Variants in GNPTAB observed in about 807,000 individuals in gnomAD.
GNPTAB encodes N-acetylglucosamine-1-phosphate transferase subunits alpha and beta, also known as N-acetylglucosamine-1-phosphotransferase subunits alpha/beta.
GNPTAB carries 92 observed loss-of-function variants against 136.6 expected under a neutral mutation model. The observed-to-expected ratio is 0.67, with a 90% confidence interval of 0.57 to 0.80. The LOEUF (loss-of-function observed/expected upper bound fraction) is 0.80. Ranked by LOEUF, GNPTAB falls within the 30% of genes least tolerant of loss-of-function variation. The pLI, the probability that GNPTAB is intolerant of heterozygous loss-of-function variation, is 0.00. For missense variants in GNPTAB, 1,343 were observed against 1,501.8 expected, an observed-to-expected ratio of 0.89 and a Z score of 1.75; for synonymous variants, 512 against 535.1, an observed-to-expected ratio of 0.96 and a Z score of 0.60.
chr12:101,792,073 G>GA (rs1298579054), intron 2 of GNPTAB, among the ~76,000 whole-genome samples: 1 of 152,216 alleles, frequency 6.6e-6, no homozygotes, highest in Non-Finnish European at 1.5e-5. Context: ...AATGGGGATA[G>GA]AAAGAGTGTC....
intron 1 of GNPTAB, among the ~76,000 whole-genome samples, chr12:101,824,444 T>A (rs1221380810): frequency 9.5e-6 from 1 of 105,250 alleles, no homozygotes; most frequent in African/African-American, 3.5e-5. Flanking sequence ...TTTCTTTTTT[T>A]TTTTTTTTTT....
intron 2 of GNPTAB, chr12:101,796,437 A>G: frequency 1.6e-6 from 1 of 635,036 alleles, no homozygotes; most frequent in South Asian, 1.9e-5. Flanking sequence ...TACTTCATGA[A>G]TTGGTGTGTC....
At chr12:101,824,152 T>G (rs547245617) in intron 1 of GNPTAB, among the ~76,000 whole-genome samples, 2 of 152,076 alleles carry the variant, frequency 1.3e-5, no homozygotes, top group Non-Finnish European at 2.9e-5. Flanking sequence ...ACAAGGGCAC[T>G]CATTCCTCTG....
intron 7 of GNPTAB, chr12:101,778,316 T>G (rs1013373274): frequency 6.6e-6 from 1 of 152,146 alleles, no homozygotes; most frequent in African/African-American, 2.4e-5. Context: ...TTTATTTTAT[T>G]GAAATTATAT....
At chr12:101,787,889 GACA>G (rs1868754301) in intron 4 of GNPTAB, among the ~76,000 whole-genome samples, 1 of 120,806 alleles carries the variant, frequency 8.3e-6, no homozygotes, top group African/African-American at 3.3e-5. Flanking sequence ...CTCCAGCCTG[GACA>G]ACAAGAGCAA....
chr12:101,772,813 C>T (rs536790511), intron 7 of GNPTAB, among the ~76,000 whole-genome samples: 2 of 152,220 alleles, frequency 1.3e-5, no homozygotes, highest in Admixed American at 6.5e-5. Context: ...AATTTATTTA[C>T]TTATTTTTAT....
intron 1 of GNPTAB, among the ~76,000 whole-genome samples, chr12:101,815,539 G>A (rs1870472097): frequency 6.6e-6 from 1 of 151,358 alleles, no homozygotes; most frequent in South Asian, 2.1e-4. Flanking sequence ...TTATGCCCAG[G>A]AATTTGAGGC....
At chr12:101,757,996 C>T (rs894477033) in intron 16 of GNPTAB, among the ~76,000 whole-genome samples, 2 of 151,614 alleles carry the variant, frequency 1.3e-5, no homozygotes, top group Admixed American at 6.6e-5. Flanking sequence ...CTGTGTGAGG[C>T]GTCTGGTGAA....
chr12:101,796,604 A>G, intron 2 of GNPTAB, 73 bp downstream of exon 2: 4 of 980,648 alleles, frequency 4.1e-6, no homozygotes, highest in Non-Finnish European at 1.7e-6. Context: ...TTAAACTGTC[A>G]TATTTACAGG....
intron 18 of GNPTAB, chr12:101,756,654 C>T (rs1406554525): frequency 1.6e-5 from 3 of 192,072 alleles, no homozygotes; most frequent in Non-Finnish European, 3.4e-5. Flanking sequence ...AAGTTAAAAA[C>T]TCAAAAATGC....
chr12:101,810,436 C>CT lies in GNPTAB; in HGVS notation c.118-13675_118-13674insA, dbSNP rs1870166197. The CT allele has an allele frequency of 2.9e-5, 3 of 102,196 alleles. 1 individual carries two copies. The highest frequency in any genetic ancestry group is 1.0e-4 in the African/African-American group (3 of 28,778). The allele number at this position is 102,196 out of a possible 1,614,324, so 6.3% of individuals were successfully genotyped here. On this transcript the variant is annotated intron_variant, in intron 1 of 20. Coordinates refer to ENST00000299314, the MANE Select transcript of GNPTAB (RefSeq NM_024312.5). ...ATATATATATATACACACACATACA[C>CT]ACACACACACACACACACACACACA... is the stretch of plus-strand genomic sequence containing the variant.
chr12:101,752,508 T>C (rs1373454268), intron 19 of GNPTAB, among the ~76,000 whole-genome samples: 1 of 152,258 alleles, frequency 6.6e-6, no homozygotes, highest in African/African-American at 2.4e-5. Flanking sequence ...GCTAACCAGA[T>C]AGTCTGGTTG....
chr12:101,826,879 T>C (rs1276320985), intron 1 of GNPTAB, among the ~76,000 whole-genome samples: 1 of 151,382 alleles, frequency 6.6e-6, no homozygotes, highest in Non-Finnish European at 1.5e-5. Flanking sequence ...GATTACCTGC[T>C]ACCTACAGTC....
intron 7 of GNPTAB, among the ~76,000 whole-genome samples, chr12:101,771,545 G>A (rs1953177017): frequency 6.6e-6 from 1 of 152,120 alleles, no homozygotes; most frequent in African/African-American, 2.4e-5. Context: ...CAACTGGCCT[G>A]ATCTTTAATC....
At position 101,786,066 on chromosome 12, in the gene GNPTAB, G is replaced by GT; in HGVS notation, c.516dup (p.Pro173ThrfsTer14). 1.2e-6 allele frequency: 2 copies of GT among 1,613,888 alleles called. No individual in the cohort carries two copies. Among genetic ancestry groups the GT allele is most frequent in the Non-Finnish European group, 1.7e-6 (2 of 1,179,912 alleles). On this transcript the variant is annotated frameshift_variant, in exon 5 of 21. Coordinates refer to ENST00000299314, the MANE Select transcript of GNPTAB (RefSeq NM_024312.5). LOFTEE classifies it high-confidence loss of function. Reference sequence around the variant, plus strand: ...GAGACATTGGTAGAAGGGTTTTTTGGTTTTGCAACATTGAAAATGTCACTG... The same window carrying GT: ...GAGACATTGGTAGAAGGGTTTTTTGGTTTTTGCAACATTGAAAATGTCACTG...
rs748130578 is a variant in GNPTAB, at chr12:101,786,193, T to C, written c.390A>G (p.Leu130=). The part of the protein sequence containing the change: ...KKSEKQLECL[L]THCIKVPMLV... Reference sequence around the variant, plus strand: ...GCATTGGCACCTTAATGCAGTGTGTTAGCAAACACTCTAACTGCTTCTCAC... The same window carrying C: ...GCATTGGCACCTTAATGCAGTGTGTCAGCAAACACTCTAACTGCTTCTCAC... The change falls in exon 5 of 21, where the codon CTA becomes CTG. Residue 130 remains leucine, a synonymous_variant. Transcript: ENST00000299314. 1.3e-5 allele frequency: 21 copies of C among 1,613,510 alleles called. No individual in the cohort carries two copies. Among genetic ancestry groups the C allele is most frequent in the Non-Finnish European group, 1.7e-5 (20 of 1,179,740 alleles).
chr12:101,822,135 C>T (rs1421704737), intron 1 of GNPTAB, among the ~76,000 whole-genome samples: 6 of 152,142 alleles, frequency 3.9e-5, no homozygotes, highest in Non-Finnish European at 8.8e-5. Flanking sequence ...AAGCTCTGGC[C>T]GGGCGCGGTG....
intron 1 of GNPTAB, among the ~76,000 whole-genome samples, chr12:101,813,052 T>C (rs572440060): frequency 6.6e-6 from 1 of 151,746 alleles, no homozygotes; most frequent in South Asian, 2.1e-4. Context: ...AGGCTGGTCT[T>C]GAACTCCTGG....
chr12:101,828,131 AAAAGAGTT>A (rs1323700751), intron 1 of GNPTAB, among the ~76,000 whole-genome samples: 1 of 152,240 alleles, frequency 6.6e-6, no homozygotes, highest in East Asian at 1.9e-4. Context: ...TTAAGGACAT[AAAAGAGTT>A]GATAATATAA....
Sources: gnomAD v4.1 joint callset for allele counts (sites outside exome capture counted in the v4.1 genomes callset) on GRCh38, gnomAD v4.1.1 for gene constraint, MANE v1.5 for transcripts, NCBI Gene and HGNC (gene_info 2026-07-23, HGNC 2026-07-21) for gene names.